Variants in CPS1 observed in about 807,000 individuals in gnomAD.
CPS1 encodes carbamoyl-phosphate synthase 1.
In CPS1, 109 loss-of-function variants were observed where a neutral mutation model predicts 174.6. The ratio of observed to expected loss-of-function variants is 0.62; its 90% CI spans 0.53 to 0.73. The LOEUF is 0.73. Among genes scored for constraint, CPS1 ranks in the 30% least tolerant of loss-of-function variants. The pLI, the probability that CPS1 is intolerant of heterozygous loss-of-function variation, is 0.00. For synonymous variants in CPS1, 637 were observed against 632.0 expected (o/e 1.01, Z -0.12); for missense variants, 1,689 against 1,821.9 (o/e 0.93, Z 1.33).
chr2:210,497,224 G>A (rs1480822701), intron 1 of CPS1, among the ~76,000 whole-genome samples: 1 of 151,998 alleles, frequency 6.6e-6, no homozygotes, highest in Non-Finnish European at 1.5e-5. Flanking sequence ...TTTAAGCAAG[G>A]CATGTCATAA....
chr2:210,596,413 G>A (rs986121307), intron 13 of CPS1, among the ~76,000 whole-genome samples: 2 of 151,984 alleles, frequency 1.3e-5, no homozygotes, highest in African/African-American at 2.4e-5. Flanking sequence ...GGCAACAGAA[G>A]ACTAGGACAG....
intron 1 of CPS1, among the ~76,000 whole-genome samples, chr2:210,529,024 A>G (rs1028557862): frequency 6.6e-6 from 1 of 151,970 alleles, no homozygotes; most frequent in Non-Finnish European, 1.5e-5. Flanking sequence ...GGCTTTATGC[A>G]TATTTGAATG....
chr2:210,536,534 G>A (rs926765216), intron 1 of CPS1, among the ~76,000 whole-genome samples: 2 of 152,046 alleles, frequency 1.3e-5, no homozygotes, highest in Non-Finnish European at 2.9e-5. Flanking sequence ...CACCGTGTTA[G>A]CCAGGATGGC....
At chr2:210,583,679 G>T (rs368129330) in intron 6 of CPS1, among the ~76,000 whole-genome samples, 2 of 152,230 alleles carry the variant, frequency 1.3e-5, no homozygotes, top group African/African-American at 4.8e-5. Flanking sequence ...GAACCAAGGG[G>T]TTCACACCTA....
intron 6 of CPS1, among the ~76,000 whole-genome samples, chr2:210,583,364 C>G (rs1697993783): frequency 6.6e-6 from 1 of 152,044 alleles, no homozygotes; most frequent in Admixed American, 6.6e-5. Context: ...GAGCATAGAG[C>G]CTGGTGGAAC....
chr2:210,610,585 T>C (rs1271950547), intron 19 of CPS1, among the ~76,000 whole-genome samples: 1 of 151,880 alleles, frequency 6.6e-6, no homozygotes, highest in Non-Finnish European at 1.5e-5. Flanking sequence ...AGGAAGCCCA[T>C]TATAGTCATT....
chr2:210,588,993 G>A (rs1698197738), intron 7 of CPS1, among the ~76,000 whole-genome samples: 1 of 151,840 alleles, frequency 6.6e-6, no homozygotes, highest in African/African-American at 2.4e-5. Flanking sequence ...ATATCTCTTT[G>A]CCTGATGGCT....
chr2:210,590,132 CTGGAACCA>C lies in CPS1; in HGVS notation c.741_748del (p.Trp247Ter). 1 of 1,612,798 alleles carries C rather than the reference CTGGAACCA, an allele frequency of 6.2e-7. No individual in the cohort carries two copies. Among genetic ancestry groups the C allele is most frequent in the Non-Finnish European group, 8.5e-7 (1 of 1,179,128 alleles). ...GAGGAGCTGAAGTGCACTTAGTTCC[CTGGAACCA>C]TGATTTCACCAAGATGGAGTATGAT... On this transcript the variant is annotated frameshift_variant, in exon 8 of 38. Coordinates refer to ENST00000233072, the MANE Select transcript of CPS1 (RefSeq NM_001875.5). LOFTEE classifies it high-confidence loss of function.
At chr2:210,603,458 G>A (rs539372661) in intron 16 of CPS1, among the ~76,000 whole-genome samples, 40 of 151,908 alleles carry the variant, frequency 2.6e-4, no homozygotes, top group African/African-American at 9.6e-4. Context: ...AATGTTTCTT[G>A]TTACCATTCT....
chr2:210,602,486 C>T (rs1471116996), intron 16 of CPS1, among the ~76,000 whole-genome samples, 156 bp downstream of exon 16: 7 of 151,882 alleles, frequency 4.6e-5, no homozygotes, highest in Admixed American at 2.6e-4. Flanking sequence ...GACACTTTTG[C>T]GAGAGCATGC....
intron 1 of CPS1, among the ~76,000 whole-genome samples, chr2:210,486,440 C>T (rs1435064774): frequency 6.6e-6 from 1 of 152,130 alleles, no homozygotes; most frequent in Non-Finnish European, 1.5e-5. Context: ...CAATCTAGGA[C>T]CATCTTATGT....
Position 210,606,902 on chromosome 2 carries a change from G to A in CPS1, c.2153G>A (p.Arg718Lys), listed in dbSNP as rs1559102901. 6.2e-7 allele frequency: 1 copy of A among 1,612,526 alleles called. No homozygotes were observed. The change falls in exon 18 of 38, where the codon AGA (arginine) becomes AAA (lysine). Residue 718 changes from arginine (R) to lysine (K), a missense_variant. Arg to Lys is a conservative substitution (Grantham distance 26). Coordinates refer to ENST00000233072, the MANE Select transcript of CPS1 (RefSeq NM_001875.5). ...TACTGCATCATTGAAGTGAATGCCAGACTGTCCCGAAGCTCTGCTCTGGCC... is the reference window on the plus strand; with the variant it reads ...TACTGCATCATTGAAGTGAATGCCAAACTGTCCCGAAGCTCTGCTCTGGCC... ...MEYCIIEVNARLSRSSALASK... is the reference protein window; with the variant it reads ...MEYCIIEVNAKLSRSSALASK...
intron 21 of CPS1, among the ~76,000 whole-genome samples, chr2:210,632,011 G>A (rs949644753): frequency 5.3e-5 from 8 of 152,046 alleles, no homozygotes; most frequent in Admixed American, 5.2e-4. Flanking sequence ...TAATATAAAT[G>A]GAGTATTCCC....
At chr2:210,500,329 C>T (rs1695107028) in intron 1 of CPS1, among the ~76,000 whole-genome samples, 1 of 152,128 alleles carries the variant, frequency 6.6e-6, no homozygotes, top group Admixed American at 6.5e-5. Flanking sequence ...GCCCTCCCAA[C>T]AGTCCCCCAA....
intron 1 of CPS1, among the ~76,000 whole-genome samples, chr2:210,529,463 G>T (rs6744531): frequency 0.019 from 2,862 of 152,014 alleles, 77 homozygotes; most frequent in African/African-American, 0.065. Flanking sequence ...TGCAATTTGG[G>T]AAAGGTTTTT....
chr2:210,482,081 T>C (rs1283347157), intron 1 of CPS1, among the ~76,000 whole-genome samples: 1 of 152,206 alleles, frequency 6.6e-6, no homozygotes, highest in Non-Finnish European at 1.5e-5. Flanking sequence ...AAAGGGAGGA[T>C]GAAATTCTCA....
At chr2:210,647,364 G>A (rs1700411311) in intron 25 of CPS1, among the ~76,000 whole-genome samples, 4 of 152,140 alleles carry the variant, frequency 2.6e-5, no homozygotes, top group Admixed American at 2.6e-4. Context: ...AGTGCCCTGG[G>A]GGTCAAAAGT....
intron 1 of CPS1, among the ~76,000 whole-genome samples, chr2:210,508,453 A>G (rs1466001139): frequency 6.6e-6 from 1 of 152,048 alleles, no homozygotes; most frequent in African/African-American, 2.4e-5. Context: ...ACACCCTAAC[A>G]TCACAATTAA....
intron 1 of CPS1, among the ~76,000 whole-genome samples, chr2:210,505,360 A>C (rs1177084996): frequency 6.6e-6 from 1 of 152,070 alleles, no homozygotes; most frequent in East Asian, 1.9e-4. Context: ...GCTAGAAAAC[A>C]GTGATAATCT....
Sources: allele counts gnomAD v4.1 joint callset (sites outside exome capture counted in the v4.1 genomes callset), GRCh38; gene constraint gnomAD v4.1.1; transcripts MANE v1.5; gene names NCBI Gene and HGNC (gene_info 2026-07-23, HGNC 2026-07-21).